The following KCNAB1 variants were observed in gnomAD, a reference collection of about 807,000 sequenced individuals.
KCNAB1 encodes potassium voltage-gated channel subfamily A regulatory beta subunit 1.
In KCNAB1, 35 loss-of-function variants were observed where a neutral mutation model predicts 64.6. The observed-to-expected ratio is 0.54, with a 90% CI of 0.41 to 0.72. The LOEUF is 0.72. Among genes scored for constraint, KCNAB1 ranks in the 30% least tolerant of loss-of-function variants. KCNAB1 has a pLI of 0.00. For synonymous variants in KCNAB1, 177 were observed against 183.8 expected (o/e 0.96, Z 0.30); for missense variants, 401 against 512.9 (o/e 0.78, Z 2.11).
intron 1 of KCNAB1, among the ~76,000 whole-genome samples, chr3:156,197,196 C>T (rs1179379499): frequency 3.9e-5 from 6 of 152,120 alleles, no homozygotes; most frequent in Non-Finnish European, 7.4e-5. Flanking sequence ...CTGCTGGATT[C>T]GGTGTGCTAG....
chr3:156,229,660 G>A (rs111402225), intron 1 of KCNAB1, among the ~76,000 whole-genome samples: 206 of 152,226 alleles, frequency 1.4e-3, no homozygotes, highest in African/African-American at 4.5e-3. Flanking sequence ...GGGACTAGAG[G>A]TCTTAAATGA....
chr3:156,432,740 C>T (rs995310472), intron 2 of KCNAB1, among the ~76,000 whole-genome samples: 1 of 152,164 alleles, frequency 6.6e-6, no homozygotes, highest in African/African-American at 2.4e-5. Flanking sequence ...TGACAATAGC[C>T]TTTCCTTTGG....
At chr3:156,177,307 A>T (rs1712444339) in intron 1 of KCNAB1, among the ~76,000 whole-genome samples, 1 of 152,074 alleles carries the variant, frequency 6.6e-6, no homozygotes, top group South Asian at 2.1e-4. Flanking sequence ...TGCTCACTAT[A>T]CCCAGACACT....
intron 1 of KCNAB1, among the ~76,000 whole-genome samples, chr3:156,188,993 C>A (rs1713385030): frequency 6.6e-6 from 1 of 152,134 alleles, no homozygotes; most frequent in South Asian, 2.1e-4. Context: ...CTGACAAGGT[C>A]TCTTCTTGGA....
intron 1 of KCNAB1, among the ~76,000 whole-genome samples, chr3:156,245,158 C>T (rs1414965145): frequency 6.6e-6 from 1 of 152,226 alleles, no homozygotes; most frequent in Non-Finnish European, 1.5e-5. Context: ...TGCTTCTCAA[C>T]TGTCCTTCCT....
In KCNAB1 at chr3:156,356,714, C is replaced by T. The variant is rs575909147; in HGVS notation, c.276-64902C>T. Among the ~76,000 whole-genome samples, 4 of 152,328 alleles carry T rather than the reference C, an allele frequency of 2.6e-5. No homozygotes were observed. The South Asian group carries it at 6.2e-4, about 24-fold the overall frequency. On this transcript the variant is annotated intron_variant, in intron 1 of 13. Coordinates refer to ENST00000490337, the MANE Select transcript of KCNAB1 (RefSeq NM_172160.3). Reference sequence around the variant, plus strand: ...GGATTTGTCATCACTGGCTCCACAACGTACACTGTGGGTTTCTAAATAAAC... The same window carrying T: ...GGATTTGTCATCACTGGCTCCACAATGTACACTGTGGGTTTCTAAATAAAC...
At chr3:156,352,238 C>G (rs140541011) in intron 1 of KCNAB1, among the ~76,000 whole-genome samples, 120 of 152,344 alleles carry the variant, frequency 7.9e-4, no homozygotes, top group African/African-American at 2.7e-3. Flanking sequence ...ATGTCTAGTT[C>G]TCTTCCTTCC....
At chr3:156,484,833 C>G (rs1715083446) in intron 8 of KCNAB1, among the ~76,000 whole-genome samples, 1 of 147,242 alleles carries the variant, frequency 6.8e-6, no homozygotes, top group Non-Finnish European at 1.5e-5. Flanking sequence ...TTGTTAACCC[C>G]CCTCCTGAAT....
chr3:156,169,244 G>T (rs1011727111), intron 1 of KCNAB1, among the ~76,000 whole-genome samples: 8 of 152,150 alleles, frequency 5.3e-5, no homozygotes, highest in Non-Finnish European at 2.9e-5. Context: ...AGCTCATTTA[G>T]TCTCAATATC....
chr3:156,209,261 G>A (rs1201199730), intron 1 of KCNAB1, among the ~76,000 whole-genome samples: 1 of 152,190 alleles, frequency 6.6e-6, no homozygotes, highest in Non-Finnish European at 1.5e-5. Flanking sequence ...AGTTGGATTA[G>A]GGTGGGTACT....
At chr3:156,226,641 C>T (rs1032132239) in intron 1 of KCNAB1, among the ~76,000 whole-genome samples, 4 of 151,992 alleles carry the variant, frequency 2.6e-5, no homozygotes, top group African/African-American at 4.8e-5. Flanking sequence ...CAGAAATCAC[C>T]GCTAAAGAAC....
intron 1 of KCNAB1, among the ~76,000 whole-genome samples, chr3:156,199,183 A>G (rs1714165043): frequency 6.6e-6 from 1 of 152,138 alleles, no homozygotes; most frequent in South Asian, 2.1e-4. Flanking sequence ...CTGCAGAGAT[A>G]TCTGCTATTC....
At chr3:156,310,991 C>T (rs1225051386) in intron 1 of KCNAB1, among the ~76,000 whole-genome samples, 3 of 152,152 alleles carry the variant, frequency 2.0e-5, no homozygotes, top group African/African-American at 7.2e-5. Flanking sequence ...CCTCCATTTT[C>T]TTCATTTTCT....
At chr3:156,123,467 G>A in intron 1 of KCNAB1, among the ~76,000 whole-genome samples, 1 of 152,198 alleles carries the variant, frequency 6.6e-6, no homozygotes, top group African/African-American at 2.4e-5. Flanking sequence ...ATTATTAAAT[G>A]ATTGGAAGAA....
chr3:156,368,087 T>C (rs1718945881), intron 1 of KCNAB1, among the ~76,000 whole-genome samples: 3 of 152,238 alleles, frequency 2.0e-5, no homozygotes, highest in African/African-American at 7.2e-5. Context: ...TTGCCAAATT[T>C]AGCAAATAAA....
intron 12 of KCNAB1, 110 bp downstream of exon 12, chr3:156,524,057 T>A (rs942355019): frequency 9.1e-7 from 1 of 1,093,848 alleles, no homozygotes; most frequent in African/African-American, 1.6e-5. Context: ...CAGGGACAGA[T>A]GATCTCTGAA....
intron 1 of KCNAB1, among the ~76,000 whole-genome samples, chr3:156,191,683 T>G (rs926703073): frequency 6.6e-6 from 1 of 152,200 alleles, no homozygotes; most frequent in African/African-American, 2.4e-5. Flanking sequence ...AAAAATACTT[T>G]CAAAAAAATG....
chr3:156,437,169 G>C (rs767803043), intron 2 of KCNAB1, among the ~76,000 whole-genome samples: 2 of 152,124 alleles, frequency 1.3e-5, no homozygotes, highest in Non-Finnish European at 2.9e-5. Context: ...AGAAGGATTG[G>C]TCTTTTATTC....
At chr3:156,253,849 G>A (rs556836620) in intron 1 of KCNAB1, among the ~76,000 whole-genome samples, 6 of 152,232 alleles carry the variant, frequency 3.9e-5, no homozygotes, top group Non-Finnish European at 7.3e-5. Flanking sequence ...GTGTGATTCT[G>A]ATGCCAGCTG....
Sources: gnomAD v4.1 joint callset for allele counts (sites outside exome capture counted in the v4.1 genomes callset) on GRCh38, gnomAD v4.1.1 for gene constraint, MANE v1.5 for transcripts, NCBI Gene and HGNC (gene_info 2026-07-23, HGNC 2026-07-21) for gene names.